HIPK2: variants seen among roughly 807,000 people sequenced by gnomAD.
HIPK2 encodes homeodomain-interacting protein kinase 2.
Under a neutral mutation model 113.7 loss-of-function variants are expected in HIPK2, and 27 were observed. That is an observed-to-expected ratio of 0.24 (90% CI 0.17 to 0.33). The LOEUF is 0.33. Among genes scored for constraint, HIPK2 ranks in the 10% least tolerant of loss-of-function variants. The probability of loss-of-function intolerance (pLI) is 1.00; values close to 1 mark genes in which losing one functional copy is unlikely to be tolerated. For missense variants in HIPK2, 1,257 were observed against 1,588.0 expected, an observed-to-expected ratio of 0.79 and a Z score of 3.54; for synonymous variants, 631 against 642.2, an observed-to-expected ratio of 0.98 and a Z score of 0.26.
intron 2 of HIPK2, among the ~76,000 whole-genome samples, chr7:139,715,146 A>C (rs1250566080): frequency 6.6e-6 from 1 of 152,210 alleles, no homozygotes; most frequent in African/African-American, 2.4e-5. Context: ...GGCCCTGTCT[A>C]TATCCCTATA....
intron 2 of HIPK2, among the ~76,000 whole-genome samples, chr7:139,678,023 G>A (rs536994739): frequency 6.6e-5 from 10 of 152,132 alleles, no homozygotes; most frequent in African/African-American, 1.4e-4. Flanking sequence ...GTCTTCTTTC[G>A]AGAAGTGTCT....
intron 13 of HIPK2, among the ~76,000 whole-genome samples, chr7:139,580,031 A>T (rs1798618666): frequency 6.6e-6 from 1 of 152,096 alleles, no homozygotes; most frequent in Non-Finnish European, 1.5e-5. Flanking sequence ...GGATGGAGGG[A>T]TTTTTGTGGA....
intron 2 of HIPK2, among the ~76,000 whole-genome samples, chr7:139,664,210 T>G (rs897593624): frequency 1.3e-5 from 2 of 152,248 alleles, no homozygotes; most frequent in African/African-American, 4.8e-5. Context: ...TTATTTTTCC[T>G]GTCATCCGCA....
intron 2 of HIPK2, among the ~76,000 whole-genome samples, chr7:139,647,090 C>G (rs1585322365): frequency 6.6e-6 from 1 of 151,652 alleles, no homozygotes; most frequent in Non-Finnish European, 1.5e-5. Flanking sequence ...ACTGCCAATT[C>G]AGCTCTTTCA....
intron 13 of HIPK2, 102 bp downstream of exon 13, chr7:139,583,715 T>G (rs1191975748): frequency 6.0e-6 from 9 of 1,506,264 alleles, no homozygotes; most frequent in Non-Finnish European, 7.1e-6. Flanking sequence ...ACTGGGCACT[T>G]TCTATTGTAC....
At chr7:139,717,717 CTATTTCTTTT>C (rs1795289715) in intron 1 of HIPK2, among the ~76,000 whole-genome samples, 1 of 149,530 alleles carries the variant, frequency 6.7e-6, no homozygotes, top group African/African-American at 2.5e-5. Context: ...CTAGAAAGTA[CTATTTCTTTT>C]TGTTTTTTTT....
intron 2 of HIPK2, among the ~76,000 whole-genome samples, chr7:139,693,489 C>T (rs1290159000): frequency 6.6e-5 from 10 of 152,108 alleles, no homozygotes; most frequent in Admixed American, 5.9e-4. Context: ...TCAGACACAC[C>T]TGGTTCAAAT....
intron 2 of HIPK2, among the ~76,000 whole-genome samples, chr7:139,667,877 C>A (rs1057406220): frequency 2.0e-5 from 3 of 151,972 alleles, no homozygotes; most frequent in African/African-American, 7.3e-5. Context: ...GTAATCCCAG[C>A]AGCACTTTGG....
At chr7:139,675,422 G>A (rs1366388509) in intron 2 of HIPK2, among the ~76,000 whole-genome samples, 1 of 152,026 alleles carries the variant, frequency 6.6e-6, no homozygotes, top group African/African-American at 2.4e-5. Context: ...GGAGTCTGGG[G>A]CCCCAGACTT....
At chr7:139,769,039 T>G (rs1351155372) in intron 1 of HIPK2, among the ~76,000 whole-genome samples, 1 of 152,200 alleles carries the variant, frequency 6.6e-6, no homozygotes, top group East Asian at 1.9e-4. Context: ...CGAGTGAGCC[T>G]ACAAAAAGAG....
Position 139,564,576 on chromosome 7 carries a change from G to A in HIPK2, c.*8351C>T, listed in dbSNP as rs961173381. 1.3e-5 allele frequency: 2 copies of A among 152,140 alleles called. No individual in the cohort carries two copies. The highest frequency in any genetic ancestry group is 4.8e-5 in the African/African-American group (2 of 41,420). 9.4% of individuals were successfully genotyped at this position (152,140 alleles called of 1,614,324 possible). On this transcript the variant is annotated 3_prime_UTR_variant, in exon 15 of 15. Coordinates refer to ENST00000406875, the MANE Select transcript of HIPK2 (RefSeq NM_022740.5). ...TCCCTCCATCTGGATTGCCTTTCAT[G>A]TTCTCTTGAGTTCACGTGGAAAGTA...
chr7:139,675,758 C>T (rs1336155607), intron 2 of HIPK2, among the ~76,000 whole-genome samples: 1 of 152,126 alleles, frequency 6.6e-6, no homozygotes, highest in Admixed American at 6.6e-5. Context: ...GGTGGACCCC[C>T]AATCTAGTGA....
intron 2 of HIPK2, among the ~76,000 whole-genome samples, chr7:139,693,443 G>C (rs1045649789): frequency 4.6e-5 from 7 of 152,216 alleles, no homozygotes; most frequent in African/African-American, 1.7e-4. Flanking sequence ...GTTGGAGAGA[G>C]AGCAGCACTT....
Position 139,603,968 on chromosome 7 carries a change from T to A in HIPK2, c.2255+113A>T, listed in dbSNP as rs1256385128. On this transcript the variant is annotated intron_variant, in intron 10 of 14. Transcript: ENST00000406875. ...AATATTTTTAGAAGCTTTAAAAAGC[T>A]CTCTACAAACCGGGGAATTGAAGTA... 1.6e-5 allele frequency: 23 copies of A among 1,409,700 alleles called. No individual in the cohort carries two copies. In the South Asian group the frequency reaches 2.7e-4, roughly 17 times the overall value. 87.3% of individuals were successfully genotyped at this position (1,409,700 alleles called of 1,614,324 possible). A position where few individuals can be genotyped will look rare whatever the true frequency, so the allele number is the denominator to read the frequency against.
chr7:139,726,798 G>C (rs1585426747), intron 1 of HIPK2, among the ~76,000 whole-genome samples: 1 of 152,176 alleles, frequency 6.6e-6, no homozygotes, highest in South Asian at 2.1e-4. Flanking sequence ...TCATGGGTAA[G>C]GCCAAAGACA....
At chr7:139,577,305 C>T (rs186987966) in intron 13 of HIPK2, among the ~76,000 whole-genome samples, 26 of 152,168 alleles carry the variant, frequency 1.7e-4, no homozygotes, top group Admixed American at 3.3e-4. Context: ...CCCGGCACCA[C>T]GCCTGGCTAA....
intron 9 of HIPK2, among the ~76,000 whole-genome samples, chr7:139,608,382 A>G (rs868084403): frequency 5.3e-4 from 79 of 148,624 alleles, no homozygotes; most frequent in African/African-American, 1.9e-3. Context: ...ATATATACAT[A>G]TATAATGTAA....
Position 139,600,486 on chromosome 7 carries a change from T to C in HIPK2, c.2366A>G (p.His789Arg). The C allele has an allele frequency of 1.9e-6, 3 of 1,614,046 alleles. No individual in the cohort carries two copies. The highest frequency in any genetic ancestry group is 2.5e-6 in the Non-Finnish European group (3 of 1,179,900). Residue 789 changes from histidine to arginine, a missense_variant, in exon 11 of 15, where the codon CAC (histidine) becomes CGC (arginine). Around this residue, in one of 5 missense-constraint regions of HIPK2, gnomAD observed 862 missense variants for 1,004.3 expected, o/e 0.86. Transcript: ENST00000406875. ...AAQPLNVGVA[H>R]VMRQQPTSTT... ...GCTGGTTGGCTGCTGCCGCATCACG[T>C]GGGCCACACCCACATTTAAGGGCTG...
chr7:139,634,149 A>C (rs558136272), intron 2 of HIPK2, among the ~76,000 whole-genome samples: 6 of 152,076 alleles, frequency 3.9e-5, no homozygotes, highest in African/African-American at 1.2e-4. Flanking sequence ...TTTCCTCACA[A>C]CTAGAGACTG....
Sources: allele counts gnomAD v4.1 joint callset (sites outside exome capture counted in the v4.1 genomes callset), GRCh38; gene constraint gnomAD v4.1.1; regional missense constraint gnomAD v4.1.1; transcripts MANE v1.5; gene names NCBI Gene and HGNC (gene_info 2026-07-23, HGNC 2026-07-21).